The following PXT1 variants were observed in gnomAD, a reference collection of about 807,000 sequenced individuals.
The protein encoded by PXT1 is peroxisomal testis-specific protein 1.
In PXT1, 11 loss-of-function variants were observed where a neutral mutation model predicts 11.0. That is an observed-to-expected ratio of 1.00 (90% confidence interval 0.63 to 1.66). The LOEUF is 1.66. Among genes scored for constraint, PXT1 ranks in the 40% most tolerant of loss-of-function variants. The probability of loss-of-function intolerance (pLI) is 0.00; values close to 1 mark genes in which losing one functional copy is unlikely to be tolerated. For missense variants in PXT1, 141 were observed against 155.5 expected, an observed-to-expected ratio of 0.91 and a Z score of 0.49; for synonymous variants, 43 against 51.4, an observed-to-expected ratio of 0.84 and a Z score of 0.70.
chr6:36,397,184 G>A (rs1774156040), intron 4 of PXT1, among the ~76,000 whole-genome samples: 1 of 152,144 alleles, frequency 6.6e-6, no homozygotes, highest in Non-Finnish European at 1.5e-5. Context: ...AAGAACTTGG[G>A]CAAAAGATGC....
intron 2 of PXT1, among the ~76,000 whole-genome samples, chr6:36,436,857 G>A (rs1046579760): frequency 6.6e-6 from 1 of 152,152 alleles, no homozygotes; most frequent in African/African-American, 2.4e-5. Context: ...TAGATGCAAG[G>A]TTACAACAGT....
rs1774095576 is a variant in PXT1 at position 36,393,245 on chromosome 6, C to T, written c.301-1371G>A. Among the ~76,000 whole-genome samples the T allele has an allele frequency of 2.0e-5, 3 of 152,176 alleles. No individual in the cohort carries two copies. The South Asian group carries it at 6.2e-4, about 32-fold the overall frequency. Reference sequence around the variant, plus strand: ...CCTCCCAAAGTGCCGGGATTACAGGCGTGAGCCACTACGCCTGGCCCTGAC... The same window carrying T: ...CCTCCCAAAGTGCCGGGATTACAGGTGTGAGCCACTACGCCTGGCCCTGAC... On this transcript the variant is annotated intron_variant, in intron 4 of 4. Coordinates refer to ENST00000454782, the MANE Select transcript of PXT1 (RefSeq NM_152990.4).
At chr6:36,440,366 C>T (rs1013870575) in intron 1 of PXT1, among the ~76,000 whole-genome samples, 8 of 152,060 alleles carry the variant, frequency 5.3e-5, no homozygotes, top group Non-Finnish European at 1.0e-4. Context: ...GTCAGGAGAT[C>T]GAGACCATCT....
At chr6:36,402,409 A>G (rs899053882) in intron 3 of PXT1, among the ~76,000 whole-genome samples, 1 of 152,340 alleles carries the variant, frequency 6.6e-6, no homozygotes, top group East Asian at 1.9e-4. Flanking sequence ...AACCTATTTC[A>G]TTTCAATAAA....
chr6:36,440,719 T>C (rs1774845478), intron 1 of PXT1, among the ~76,000 whole-genome samples: 1 of 152,176 alleles, frequency 6.6e-6, no homozygotes. Context: ...ACATTTCTCA[T>C]ATCCCGTCTC....
At chr6:36,400,868 G>A (rs193278726) in intron 3 of PXT1, among the ~76,000 whole-genome samples, 1 of 152,228 alleles carries the variant, frequency 6.6e-6, no homozygotes, top group East Asian at 1.9e-4. Flanking sequence ...TACTCAGGAG[G>A]CTGAGGCAGG....
At chr6:36,412,050 GT>G (rs1414917365) in intron 3 of PXT1, among the ~76,000 whole-genome samples, 1 of 151,676 alleles carries the variant, frequency 6.6e-6, no homozygotes, top group Non-Finnish European at 1.5e-5. Flanking sequence ...GTTTAGAGAG[GT>G]TTTTAAAAAT....
chr6:36,410,976 AT>A (rs1774364944), intron 3 of PXT1, among the ~76,000 whole-genome samples: 1 of 152,256 alleles, frequency 6.6e-6, no homozygotes, highest in South Asian at 2.1e-4. Context: ...CAGCTTCTTC[AT>A]TTGTAAAATG....
chr6:36,392,645 A>G (rs1378097532), intron 4 of PXT1, among the ~76,000 whole-genome samples: 1 of 152,182 alleles, frequency 6.6e-6, no homozygotes, highest in African/African-American at 2.4e-5. Flanking sequence ...TGGGCAACAG[A>G]GGGAGATCCT....
intron 3 of PXT1, among the ~76,000 whole-genome samples, chr6:36,407,745 G>T (rs535715045): frequency 6.6e-6 from 1 of 152,040 alleles, no homozygotes; most frequent in South Asian, 2.1e-4. Context: ...CCTATTTAAA[G>T]GTATAGCCTA....
chr6:36,416,721 A>G (rs1774455312), intron 3 of PXT1, among the ~76,000 whole-genome samples: 1 of 152,236 alleles, frequency 6.6e-6, no homozygotes, highest in Non-Finnish European at 1.5e-5. Flanking sequence ...GTCAGCTACT[A>G]TCACTAGACC....
intron 3 of PXT1, among the ~76,000 whole-genome samples, chr6:36,416,981 T>C (rs943858366): frequency 1.3e-5 from 2 of 152,222 alleles, no homozygotes; most frequent in African/African-American, 4.8e-5. Flanking sequence ...GTGATATTGC[T>C]GAACATGGAT....
intron 3 of PXT1, among the ~76,000 whole-genome samples, chr6:36,404,250 C>A (rs1774256443): frequency 6.6e-6 from 1 of 152,192 alleles, no homozygotes; most frequent in Non-Finnish European, 1.5e-5. Flanking sequence ...AAGAACACAG[C>A]CATGGGTCGC....
rs1367141017 is a variant in PXT1 at position 36,391,742 on chromosome 6, A to G, written c.*28T>C. 4.9e-6 allele frequency: 7 copies of G among 1,443,040 alleles called. No individual in the cohort carries two copies. The highest frequency in any genetic ancestry group is 6.8e-6 in the Non-Finnish European group (7 of 1,024,876). The allele number at this position is 1,443,040 out of a possible 1,614,324, so 89.4% of individuals were successfully genotyped here. On this transcript the variant is annotated 3_prime_UTR_variant, in exon 5 of 5. Coordinates refer to ENST00000454782, the MANE Select transcript of PXT1 (RefSeq NM_152990.4). Reference sequence around the variant, plus strand: ...TCTCAGAGGGTAAAAAGAAAACAGAACTTGACCACTTGACCTTTACTTTCC... The same window carrying G: ...TCTCAGAGGGTAAAAAGAAAACAGAGCTTGACCACTTGACCTTTACTTTCC...
chr6:36,410,399 G>A (rs953895866), intron 3 of PXT1, among the ~76,000 whole-genome samples: 1 of 150,510 alleles, frequency 6.6e-6, no homozygotes, highest in African/African-American at 2.5e-5. Flanking sequence ...GCAGTGAGCC[G>A]AGATAGCGCC....
chr6:36,396,389 A>C (rs1362573211), intron 4 of PXT1, among the ~76,000 whole-genome samples: 2 of 152,138 alleles, frequency 1.3e-5, no homozygotes, highest in Non-Finnish European at 2.9e-5. Flanking sequence ...TTGCACCCTC[A>C]GGGGCCCCAG....
At chr6:36,410,268 C>T (rs1467981680) in intron 3 of PXT1, among the ~76,000 whole-genome samples, 2 of 151,858 alleles carry the variant, frequency 1.3e-5, no homozygotes, top group East Asian at 1.9e-4. Flanking sequence ...CTGACCAACA[C>T]GGAAAAACCC....
chr6:36,414,159 G>A (rs1561929112), intron 3 of PXT1, among the ~76,000 whole-genome samples: 1 of 151,958 alleles, frequency 6.6e-6, no homozygotes, highest in East Asian at 1.9e-4. Flanking sequence ...ACTAAATTAA[G>A]AAGAAAAAAC....
intron 3 of PXT1, among the ~76,000 whole-genome samples, chr6:36,414,030 G>A (rs189732272): frequency 5.9e-4 from 90 of 152,250 alleles, no homozygotes; most frequent in Admixed American, 4.3e-3. Context: ...TAAAAATATG[G>A]GAGCGTTTAA....
Sources: allele counts gnomAD v4.1 joint callset (sites outside exome capture counted in the v4.1 genomes callset), GRCh38; gene constraint gnomAD v4.1.1; transcripts MANE v1.5; gene names NCBI Gene and HGNC (gene_info 2026-07-23, HGNC 2026-07-21).